The following SELENOI variants were observed in gnomAD, a reference collection of about 807,000 sequenced individuals.
The protein encoded by SELENOI is ethanolaminephosphotransferase 1.
A neutral mutation model predicts 50.7 loss-of-function variants in SELENOI; 24 were observed. The observed-to-expected ratio is 0.47, with a 90% confidence interval of 0.34 to 0.67. The LOEUF (loss-of-function observed/expected upper bound fraction) is 0.67, where lower values mean the gene tolerates loss of function less well. Ranked by LOEUF, SELENOI falls within the 30% of genes least tolerant of loss-of-function variation. SELENOI has a pLI of 0.01. For missense variants in SELENOI, 352 were observed against 461.4 expected, an observed-to-expected ratio of 0.76 and a Z score of 2.17; for synonymous variants, 155 against 170.2, an observed-to-expected ratio of 0.91 and a Z score of 0.70.
intron 3 of SELENOI, 131 bp from the exon 4 acceptor site, chr2:26,367,015 G>C: frequency 1.4e-6 from 1 of 720,354 alleles, no homozygotes; most frequent in Non-Finnish European, 2.1e-6. Context: ...CGTAATTCTG[G>C]ATTCAAAATA....
intron 6 of SELENOI, among the ~76,000 whole-genome samples, chr2:26,379,455 C>T (rs1024108850): frequency 6.6e-6 from 1 of 151,888 alleles, no homozygotes; most frequent in Non-Finnish European, 1.5e-5. Context: ...ATAGTTAGAT[C>T]TGTGAGCTTA....
intron 1 of SELENOI, among the ~76,000 whole-genome samples, chr2:26,361,556 T>C (rs765701968): frequency 1.2e-4 from 19 of 152,246 alleles, no homozygotes; most frequent in Non-Finnish European, 2.5e-4. Flanking sequence ...AGTAGGTGAC[T>C]GCTGTACTAA....
At position 26,346,309 on chromosome 2, in the gene SELENOI, GC is replaced by G; in HGVS notation, c.57+24del. On this transcript the variant is annotated intron_variant, in intron 1 of 9. Transcript: ENST00000260585. ...TACAAGGTACCGCGGGCCGGCGGAT[GC>G]CCCTCTCCCTGCTCCCGGCCTCGCC... The G allele has an allele frequency of 6.2e-7, 1 of 1,603,392 alleles. No individual in the cohort carries two copies.
chr2:26,373,257 A>T (rs1677497197), intron 4 of SELENOI, 110 bp from the exon 5 acceptor site: 1 of 1,313,986 alleles, frequency 7.6e-7, no homozygotes. Flanking sequence ...TATACTTAAC[A>T]TTCCTGTGAT....
chr2:26,378,211 C>G (rs1247051653), intron 6 of SELENOI, among the ~76,000 whole-genome samples: 1 of 152,180 alleles, frequency 6.6e-6, no homozygotes, highest in Non-Finnish European at 1.5e-5. Flanking sequence ...TCTGAATCTT[C>G]GGCTGCTCTT....
At chr2:26,364,078 C>CTT (rs59396679) in intron 1 of SELENOI, among the ~76,000 whole-genome samples, 65 of 114,892 alleles carry the variant, frequency 5.7e-4, no homozygotes, top group East Asian at 1.1e-3. Context: ...CTTTCTCCCC[C>CTT]TTTTTTTTTT....
At position 26,373,501 on chromosome 2, in the gene SELENOI, A is replaced by G. The variant is rs1307816256; in HGVS notation, c.445A>G (p.Thr149Ala). The G allele has an allele frequency of 2.5e-6, 4 of 1,614,018 alleles. No individual in the cohort carries two copies. The highest frequency in any genetic ancestry group is 3.3e-5 in the Admixed American group (2 of 60,020). ...TVYSIFGRGS[T>A]GVSVFVLYLL... ...TTATTCCATCTTTGGAAGAGGATCA[A>G]CTGGTGTCAGTGTTTTTGTTCTTTA... The change falls in exon 5 of 10, where the codon ACT becomes GCT. Residue 149 changes from threonine to alanine, a missense_variant. By Grantham distance (58) the Thr-to-Ala change is moderately conservative (BLOSUM62 0). Coordinates refer to ENST00000260585, the MANE Select transcript of SELENOI (RefSeq NM_033505.4).
chr2:26,378,052 G>C (rs563546929), intron 6 of SELENOI, among the ~76,000 whole-genome samples: 1 of 151,468 alleles, frequency 6.6e-6, no homozygotes, highest in Non-Finnish European at 1.5e-5. Flanking sequence ...GTTATTTTCA[G>C]CTTTTAGCTG....
rs148423360 is a variant in SELENOI, at chr2:26,347,589, A to G, written c.57+1300A>G. 2.3e-3 allele frequency among the ~76,000 whole-genome samples: 346 copies of G among 152,312 alleles called. 3 individuals are homozygous for G. Among genetic ancestry groups the G allele is most frequent in the African/African-American group, 7.9e-3 (328 of 41,568 alleles). Reference sequence around the variant, plus strand: ...CAGAGCCTTCTTGGTAACTCGGGCCAGTGCTTTTCAACTTTCATTTTAGAA... The same window carrying G: ...CAGAGCCTTCTTGGTAACTCGGGCCGGTGCTTTTCAACTTTCATTTTAGAA... On this transcript the variant is annotated intron_variant, in intron 1 of 9. Transcript: ENST00000260585.
chr2:26,361,693 G>A (rs1677182354), intron 1 of SELENOI, among the ~76,000 whole-genome samples: 1 of 150,528 alleles, frequency 6.6e-6, no homozygotes, highest in South Asian at 2.1e-4. Flanking sequence ...TCACTCTGTA[G>A]TCTAGGCTGG....
intron 6 of SELENOI, among the ~76,000 whole-genome samples, chr2:26,377,846 AT>A (rs2147958378): frequency 6.6e-6 from 1 of 151,098 alleles, no homozygotes; most frequent in East Asian, 1.9e-4. Flanking sequence ...TTTTTTTTCT[AT>A]TTCTTTGCAT....
intron 3 of SELENOI, among the ~76,000 whole-genome samples, chr2:26,365,388 G>C (rs970734408): frequency 6.6e-6 from 1 of 151,890 alleles, no homozygotes; most frequent in African/African-American, 2.4e-5. Context: ...CCCTTATTGA[G>C]GAAGAGAGGA....
At chr2:26,384,394 G>C (rs565956223) in intron 7 of SELENOI, among the ~76,000 whole-genome samples, 1 of 152,178 alleles carries the variant, frequency 6.6e-6, no homozygotes, top group African/African-American at 2.4e-5. Context: ...GAGGTCGTGT[G>C]ATCAATGGCG....
chr2:26,348,132 A>G (rs1253565419), intron 1 of SELENOI, among the ~76,000 whole-genome samples: 3 of 152,224 alleles, frequency 2.0e-5, no homozygotes, highest in African/African-American at 7.2e-5. Context: ...CAAAGGAAAA[A>G]TCCATGGGAT....
At chr2:26,385,227 A>G in intron 8 of SELENOI, 88 bp downstream of exon 8, 1 of 800,864 alleles carries the variant, frequency 1.2e-6, no homozygotes, top group East Asian at 3.2e-5. Context: ...ATATTAGAAT[A>G]AACAGATTTT....
rs1678045349 is a variant in SELENOI, at chr2:26,394,556, AG to A, written c.*5454del. ...TTGCCTCCCTAGAGGAGCATTCAGG[AG>A]ATAAAGACCTAGCTACATGTAATGA... On this transcript the variant is annotated 3_prime_UTR_variant, in exon 10 of 10. Coordinates refer to ENST00000260585, the MANE Select transcript of SELENOI (RefSeq NM_033505.4). The surrounding 1 kb of genome is among the most constrained non-coding windows in gnomAD (Gnocchi z 4.1). 6.6e-6 allele frequency: 1 copy of A among 152,138 alleles called. No individual in the cohort carries two copies. The highest frequency in any genetic ancestry group is 6.5e-5 in the Admixed American group (1 of 15,276). The allele number at this position is 152,138 out of a possible 1,614,324, so 9.4% of individuals were successfully genotyped here.
Position 26,389,012 on chromosome 2 carries a change from A to G in SELENOI, c.1103A>G (p.Gln368Arg), listed in dbSNP as rs747460051. The G allele has an allele frequency of 2.5e-5, 39 of 1,583,406 alleles. No individual in the cohort carries two copies. In the South Asian group the frequency reaches 4.0e-4, roughly 16 times the overall value. ...HIHYGVRVVK[Q>R]LSSHFQIYPF... Reference sequence around the variant, plus strand: ...TGTTCTGATTTTTCATAGGTAAAGCAGCTGAGCAGCCATTTTCAGATTTAC... The same window carrying G: ...TGTTCTGATTTTTCATAGGTAAAGCGGCTGAGCAGCCATTTTCAGATTTAC... The change falls in exon 10 of 10, where the codon CAG becomes CGG. Residue 368 changes from glutamine (Q) to arginine (R), a missense_variant. Transcript: ENST00000260585.
chr2:26,346,340 C>A, intron 1 of SELENOI, 51 bp downstream of exon 1: 2 of 1,570,012 alleles, frequency 1.3e-6, no homozygotes, highest in Non-Finnish European at 1.7e-6. Flanking sequence ...CTCGCCCAGG[C>A]GGCTGAGGGG....
intron 4 of SELENOI, among the ~76,000 whole-genome samples, chr2:26,372,465 C>A (rs1338832827): frequency 6.6e-6 from 1 of 152,224 alleles, no homozygotes; most frequent in Non-Finnish European, 1.5e-5. Context: ...TAAGATTCTT[C>A]CAATCCTTAT....
Sources: gnomAD v4.1 joint callset for allele counts (sites outside exome capture counted in the v4.1 genomes callset) on GRCh38, gnomAD v4.1.1 for gene constraint, Gnocchi (gnomAD v3.1) non-coding constraint, MANE v1.5 for transcripts, NCBI Gene and HGNC (gene_info 2026-07-23, HGNC 2026-07-21) for gene names.